Variants in LRRC36 observed in about 807,000 individuals in gnomAD.
The protein encoded by LRRC36 is leucine-rich repeat-containing protein 36.
Under a neutral mutation model 81.1 loss-of-function variants are expected in LRRC36, and 62 were observed. That is an observed-to-expected ratio of 0.76 (90% CI 0.62 to 0.94). The LOEUF is 0.94. Ranked by LOEUF, LRRC36 falls within the 40% of genes least tolerant of loss-of-function variation. The pLI is 0.00. For synonymous variants in LRRC36, 334 were observed against 348.6 expected (o/e 0.96, Z 0.47); for missense variants, 761 against 881.7 (o/e 0.86, Z 1.73).
intron 5 of LRRC36, 143 bp from the exon 6 acceptor site, chr16:67,363,447 T>C (rs1002588518): frequency 2.5e-5 from 17 of 690,244 alleles, no homozygotes; most frequent in Non-Finnish European, 4.1e-5. Context: ...AGTGATTTGC[T>C]CAAATTCATG....
intron 6 of LRRC36, 30 bp from the exon 7 acceptor site, chr16:67,365,274 C>G (rs777895930): frequency 5.1e-6 from 8 of 1,558,988 alleles, no homozygotes; most frequent in Non-Finnish European, 6.2e-6. Flanking sequence ...CATGGACTTC[C>G]TTCTACCTAA....
intron 11 of LRRC36, among the ~76,000 whole-genome samples, chr16:67,377,605 T>G (rs1249595877): frequency 6.6e-6 from 1 of 152,044 alleles, no homozygotes; most frequent in Non-Finnish European, 1.5e-5. Flanking sequence ...GTGCTGGGAT[T>G]ACAGGCATGA....
Position 67,367,443 on chromosome 16 carries a change from T to C in LRRC36, c.1181T>C (p.Leu394Ser), listed in dbSNP as rs2039451489. Reference sequence around the variant, plus strand: ...CCTGACTCCAGCACTGGAAGGCTTTTGAAGCTTAGTTCAGGTAACAGCTTC... The same window carrying C: ...CCTGACTCCAGCACTGGAAGGCTTTCGAAGCTTAGTTCAGGTAACAGCTTC... ...SNPDSSTGRL[L>S]KLSSDLYATT... The change falls in exon 8 of 14, where the codon TTG becomes TCG. Residue 394 changes from leucine to serine, a missense_variant. By Grantham distance (145) the Leu-to-Ser change is moderately radical. This residue lies in a region of LRRC36 where 139 missense variants were observed against 214.0 expected (regional missense o/e 0.65). Coordinates refer to ENST00000329956, the MANE Select transcript of LRRC36 (RefSeq NM_018296.6). 1 of 1,611,618 alleles carries C rather than the reference T, an allele frequency of 6.2e-7. No individual in the cohort carries two copies.
intron 4 of LRRC36, among the ~76,000 whole-genome samples, chr16:67,349,208 T>C (rs1292932558): frequency 6.6e-6 from 1 of 152,186 alleles, no homozygotes; most frequent in East Asian, 1.9e-4. Context: ...CATTTATCTG[T>C]TTATTTACCA....
intron 1 of LRRC36, among the ~76,000 whole-genome samples, chr16:67,335,295 A>G (rs1368031103): frequency 2.0e-5 from 3 of 152,104 alleles, no homozygotes; most frequent in Non-Finnish European, 2.9e-5. Flanking sequence ...TTTCTCAGGG[A>G]TGTTCCTTGC....
chr16:67,366,344 G>A (rs1039645024), intron 7 of LRRC36, among the ~76,000 whole-genome samples: 2 of 152,124 alleles, frequency 1.3e-5, no homozygotes, highest in Non-Finnish European at 2.9e-5. Flanking sequence ...ACCAGGCACA[G>A]TGGCTCATGC....
chr16:67,343,948 C>A (rs966303942), intron 2 of LRRC36, among the ~76,000 whole-genome samples: 1 of 151,854 alleles, frequency 6.6e-6, no homozygotes, highest in African/African-American at 2.4e-5. Flanking sequence ...TCCTGAGTAG[C>A]TGAGATTACA....
chr16:67,372,277 A>C (rs1363944014), intron 9 of LRRC36, among the ~76,000 whole-genome samples: 3 of 151,854 alleles, frequency 2.0e-5, no homozygotes, highest in Non-Finnish European at 4.4e-5. Flanking sequence ...GAATCACTTG[A>C]ACCTGGGAGG....
intron 1 of LRRC36, among the ~76,000 whole-genome samples, chr16:67,331,236 A>G (rs1185333508): frequency 2.6e-5 from 4 of 152,182 alleles, no homozygotes; most frequent in Non-Finnish European, 5.9e-5. Flanking sequence ...GTGCTGTTAC[A>G]TTGGCAATTA....
At chr16:67,341,099 TACTCTAC>T (rs1460488031) in intron 1 of LRRC36, among the ~76,000 whole-genome samples, 10 of 113,148 alleles carry the variant, frequency 8.8e-5, no homozygotes, top group African/African-American at 2.5e-4. Context: ...ATAGAATATG[TACTCTAC>T]ATATTCTATA....
intron 5 of LRRC36, among the ~76,000 whole-genome samples, chr16:67,354,078 T>A (rs576692784): frequency 3.3e-5 from 5 of 152,292 alleles, no homozygotes; most frequent in Non-Finnish European, 7.3e-5. Flanking sequence ...ATTTGTCTCT[T>A]CAGCCTAAGC....
At chr16:67,354,959 T>G (rs2038830476) in intron 5 of LRRC36, among the ~76,000 whole-genome samples, 1 of 152,244 alleles carries the variant, frequency 6.6e-6, no homozygotes, top group South Asian at 2.1e-4. Flanking sequence ...ATCTTTATAC[T>G]GTCTCCATAG....
chr16:67,353,925 T>C (rs2038774943), intron 5 of LRRC36, among the ~76,000 whole-genome samples: 2 of 152,224 alleles, frequency 1.3e-5, no homozygotes, highest in South Asian at 4.1e-4. Context: ...TGTACTTTGC[T>C]GCCAGATTAA....
intron 5 of LRRC36, among the ~76,000 whole-genome samples, chr16:67,354,052 C>G (rs2038782030): frequency 6.6e-6 from 1 of 152,166 alleles, no homozygotes; most frequent in Non-Finnish European, 1.5e-5. Flanking sequence ...TAAGACTCCC[C>G]TAAGCTCTAT....
intron 13 of LRRC36, among the ~76,000 whole-genome samples, chr16:67,383,890 C>T (rs1166858554): frequency 1.3e-5 from 2 of 152,180 alleles, no homozygotes; most frequent in Non-Finnish European, 2.9e-5. Context: ...CTAATTATTA[C>T]ATAAGAAGAC....
chr16:67,360,710 T>G (rs2039104643), intron 5 of LRRC36, among the ~76,000 whole-genome samples: 2 of 152,302 alleles, frequency 1.3e-5, no homozygotes, highest in South Asian at 4.1e-4. Flanking sequence ...ATAGAAGGCA[T>G]CTTAGAGCCT....
intron 1 of LRRC36, among the ~76,000 whole-genome samples, chr16:67,335,004 G>C (rs1316071790): frequency 6.6e-6 from 1 of 152,178 alleles, no homozygotes; most frequent in African/African-American, 2.4e-5. Context: ...CAAGGTAAAT[G>C]GAGGCAGGGC....
At chr16:67,333,438 A>T (rs955486457) in intron 1 of LRRC36, among the ~76,000 whole-genome samples, 3 of 152,088 alleles carry the variant, frequency 2.0e-5, no homozygotes, top group African/African-American at 7.2e-5. Context: ...AGCCCCATTT[A>T]AAAAATATAC....
In LRRC36 at chr16:67,367,378, T is replaced by G. The variant is rs1439121043; in HGVS notation, c.1116T>G (p.Ala372=). Residue 372 remains alanine (A), a synonymous_variant, in exon 8 of 14, where the codon GCT becomes GCG. Coordinates refer to ENST00000329956, the MANE Select transcript of LRRC36 (RefSeq NM_018296.6). ...CTTCAAATGACATAAAGACCACCGC[T>G]TCACATTCCTGTGGAGACTTATTAA... ...IKPSNDIKTT[A]SHSCGDLLTS... The G allele has an allele frequency of 6.2e-7, 1 of 1,614,178 alleles. No homozygotes were observed. Among genetic ancestry groups the G allele is most frequent in the South Asian group, 1.1e-5 (1 of 91,086 alleles).
Sources: allele counts gnomAD v4.1 joint callset (sites outside exome capture counted in the v4.1 genomes callset), GRCh38; gene constraint gnomAD v4.1.1; regional missense constraint gnomAD v4.1.1; transcripts MANE v1.5; gene names NCBI Gene and HGNC (gene_info 2026-07-23, HGNC 2026-07-21).